MMACHC: variants seen among roughly 807,000 people sequenced by gnomAD.
MMACHC encodes the protein cyanocobalamin reductase / alkylcobalamin dealkylase.
In MMACHC, 14 loss-of-function variants were observed where a neutral mutation model predicts 17.6. That is an observed-to-expected ratio of 0.80 (90% CI 0.53 to 1.25). The LOEUF (loss-of-function observed/expected upper bound fraction) is 1.25. Ranked by LOEUF, MMACHC falls within the 50% of genes most tolerant of loss-of-function variation. The pLI is 0.00. For missense variants in MMACHC, 392 were observed against 364.5 expected (o/e 1.08, Z -0.62); for synonymous variants, 151 against 142.1 (o/e 1.06, Z -0.45).
rs200483477 is a variant in MMACHC at position 45,507,455 on chromosome 1, C to T, written c.181C>T (p.Arg61Trp). 1,555 of 1,614,134 alleles carry T rather than the reference C, an allele frequency of 9.6e-4. 2 individuals are homozygous for T. Among genetic ancestry groups the T allele is most frequent in the Non-Finnish European group, 1.2e-3 (1,373 of 1,180,008 alleles). The stretch of plus-strand genomic sequence containing the variant: ...ACTCAGCACGCCTGCCATGTTTGAC[C>T]GGGCCCTCAAGCCCTTCTTGCAGAG... ...LVLSTPAMFD[R>W]ALKPFLQSCH... The change falls in exon 2 of 4, where the codon CGG becomes TGG. Residue 61 changes from arginine (R) to tryptophan (W), a missense_variant. Arg to Trp is a moderately radical substitution (Grantham distance 101). Coordinates refer to ENST00000401061, the MANE Select transcript of MMACHC (RefSeq NM_015506.3).
intron 1 of MMACHC, among the ~76,000 whole-genome samples, chr1:45,505,925 C>T (rs1233625735): frequency 1.3e-5 from 2 of 151,780 alleles, no homozygotes; most frequent in Admixed American, 1.3e-4. Context: ...AACAAAACTG[C>T]CTGTTCTCTC....
At chr1:45,501,137 A>G (rs1201012170) in intron 1 of MMACHC, among the ~76,000 whole-genome samples, 1 of 152,184 alleles carries the variant, frequency 6.6e-6, no homozygotes, top group Admixed American at 6.5e-5. Context: ...ACAGGCAAAC[A>G]ATTGGCTGGT....
Position 45,508,194 on chromosome 1 carries a change from T to C in MMACHC, c.277-18T>C. Reference sequence around the variant, plus strand: ...CCCCTCATGCTGACAGTACCCTCTATTTTGTCCACTGTTCCAGAGCCTCCC... The same window carrying C: ...CCCCTCATGCTGACAGTACCCTCTACTTTGTCCACTGTTCCAGAGCCTCCC... On this transcript the variant is annotated intron_variant, in intron 2 of 3. Transcript: ENST00000401061. 6.2e-7 allele frequency: 1 copy of C among 1,613,924 alleles called. No individual in the cohort carries two copies. The highest frequency in any genetic ancestry group is 1.1e-5 in the South Asian group (1 of 91,076).
Position 45,508,837 on chromosome 1 carries a change from G to C in MMACHC, c.471G>C (p.Trp157Cys), listed in dbSNP as rs1002571805. Residue 157 changes from tryptophan to cysteine, a missense_variant, in exon 4 of 4, where the codon TGG becomes TGC. Transcript: ENST00000401061. Reference sequence around the variant, plus strand: ...GCATACACCCCCGATTTGGGGGCTGGTTTGCCATCCGAGGGGTAGTGCTGC... The same window carrying C: ...GCATACACCCCCGATTTGGGGGCTGCTTTGCCATCCGAGGGGTAGTGCTGC... ...GVCIHPRFGG[W>C]FAIRGVVLLP... is the part of the protein sequence containing the mutation. 1 of 1,614,178 alleles carries C rather than the reference G, an allele frequency of 6.2e-7. No individual in the cohort carries two copies. Among genetic ancestry groups the C allele is most frequent in the Non-Finnish European group, 8.5e-7 (1 of 1,180,020 alleles).
chr1:45,504,225 G>A lies in MMACHC; in HGVS notation c.82-3131G>A, dbSNP rs575990940. 5.3e-5 allele frequency among the ~76,000 whole-genome samples: 8 copies of A among 152,186 alleles called. No homozygotes were observed. The South Asian group carries it at 8.3e-4, about 16-fold the overall frequency. ...AGGTCAGGAGTTCAAGACCAGCCTC[G>A]CCAACATGATGAAACCCCATCTCAA... On this transcript the variant is annotated intron_variant, in intron 1 of 3. Coordinates refer to ENST00000401061, the MANE Select transcript of MMACHC (RefSeq NM_015506.3).
At position 45,509,359 on chromosome 1, in the gene MMACHC, T is replaced by C; in HGVS notation, c.*144T>C. On this transcript the variant is annotated 3_prime_UTR_variant, in exon 4 of 4. Transcript: ENST00000401061. The stretch of plus-strand genomic sequence containing the variant: ...ATGAAGATAACAAGGCTCAAGGAAG[T>C]TAGGTTTGGCCAAGATAAAGGCCAG... The C allele has an allele frequency of 9.9e-7, 1 of 1,013,654 alleles. No homozygotes were observed. The allele number at this position is 1,013,654 out of a possible 1,614,324, so 62.8% of individuals were successfully genotyped here. A position where few individuals can be genotyped will look rare whatever the true frequency, so the allele number is the denominator to read the frequency against.
chr1:45,508,643 T>TC (rs1643673746), intron 3 of MMACHC, among the ~76,000 whole-genome samples, 153 bp from the exon 4 acceptor site: 3 of 152,116 alleles, frequency 2.0e-5, no homozygotes, highest in African/African-American at 7.2e-5. Context: ...GTGCTCAGAA[T>TC]AGTTTATGAA....
In MMACHC at chr1:45,509,293, G is replaced by A; in HGVS notation, c.*78G>A. The A allele has an allele frequency of 1.3e-6, 2 of 1,497,822 alleles. No homozygotes were observed. Among genetic ancestry groups the A allele is most frequent in the East Asian group, 2.3e-5 (1 of 44,262 alleles). 92.8% of individuals were successfully genotyped at this position (1,497,822 alleles called of 1,614,324 possible). On this transcript the variant is annotated 3_prime_UTR_variant, in exon 4 of 4. Transcript: ENST00000401061. The stretch of plus-strand genomic sequence containing the variant: ...GCTTTGGCAAAGCAAAAGGTTTTGA[G>A]TACAAGATTACTATTTTTGATAATA...
chr1:45,506,029 T>C (rs969941252), intron 1 of MMACHC, among the ~76,000 whole-genome samples: 1 of 152,200 alleles, frequency 6.6e-6, no homozygotes, highest in African/African-American at 2.4e-5. Context: ...ATAGTAAAAT[T>C]TTAATCTATT....
At chr1:45,504,185 C>T (rs991433977) in intron 1 of MMACHC, among the ~76,000 whole-genome samples, 8 of 152,076 alleles carry the variant, frequency 5.3e-5, no homozygotes, top group East Asian at 3.9e-4. Context: ...GAGGCGGAGG[C>T]GGGTGGATCA....
chr1:45,511,629 T>C lies in MMACHC; in HGVS notation c.*2414T>C. 2.5e-6 allele frequency: 1 copy of C among 398,612 alleles called. No individual in the cohort carries two copies. 24.7% of individuals were successfully genotyped at this position (398,612 alleles called of 1,614,324 possible). On this transcript the variant is annotated 3_prime_UTR_variant, in exon 4 of 4. Coordinates refer to ENST00000401061, the MANE Select transcript of MMACHC (RefSeq NM_015506.3). ...TTAAGATACTATCATGCCTAATTTA[T>C]TCATGTAGCACTTGAAATTTAAATT... is the stretch of plus-strand genomic sequence containing the variant.
chr1:45,507,947 A>T (rs1430272212), intron 2 of MMACHC, among the ~76,000 whole-genome samples: 3 of 152,166 alleles, frequency 2.0e-5, no homozygotes, highest in African/African-American at 7.2e-5. Context: ...TCACATATAC[A>T]CATAACTATG....
chr1:45,509,415 A>C lies in MMACHC; in HGVS notation c.*200A>C. 8.1e-6 allele frequency: 2 copies of C among 245,524 alleles called. No homozygotes were observed. Among genetic ancestry groups the C allele is most frequent in the South Asian group, 5.4e-5 (1 of 18,514 alleles). The allele number at this position is 245,524 out of a possible 1,614,324, so 15.2% of individuals were successfully genotyped here. Reference sequence around the variant, plus strand: ...CAGAATTCCCATCTGCCTTCAAATGAGTTTTTTTTTTTTTTTTAGACAGAG... The same window carrying C: ...CAGAATTCCCATCTGCCTTCAAATGCGTTTTTTTTTTTTTTTTAGACAGAG... On this transcript the variant is annotated 3_prime_UTR_variant, in exon 4 of 4. Transcript: ENST00000401061.
At chr1:45,500,646 C>T (rs1453822610) in intron 1 of MMACHC, among the ~76,000 whole-genome samples, 1 of 152,082 alleles carries the variant, frequency 6.6e-6, no homozygotes, top group Non-Finnish European at 1.5e-5. Context: ...GGGCGGATCA[C>T]CTGAGGTGAG....
In MMACHC at chr1:45,513,309, G is replaced by T. The variant is rs1643791222; in HGVS notation, c.*4094G>T. The stretch of plus-strand genomic sequence containing the variant: ...TACATTCAGTAAGTTAGATCTTTGG[G>T]AGTGACTGATTCTAAATGAGCAGGA... On this transcript the variant is annotated 3_prime_UTR_variant, in exon 4 of 4. Coordinates refer to ENST00000401061, the MANE Select transcript of MMACHC (RefSeq NM_015506.3). 1 of 152,140 alleles carries T rather than the reference G, an allele frequency of 6.6e-6. No individual in the cohort carries two copies. Among genetic ancestry groups the T allele is most frequent in the Non-Finnish European group, 1.5e-5 (1 of 68,030 alleles). 9.4% of individuals were successfully genotyped at this position (152,140 alleles called of 1,614,324 possible).
rs1391989569 is a variant in MMACHC, at chr1:45,512,050, G to C, written c.*2835G>C. On this transcript the variant is annotated 3_prime_UTR_variant, in exon 4 of 4. Transcript: ENST00000401061. ...CTAGCCTGAAGAAAATGAGGCAAGG[G>C]GACTAATCTCTTATTTTTCTTTTTT... The C allele has an allele frequency of 6.6e-6, 1 of 151,608 alleles. No homozygotes were observed. The allele number at this position is 151,608 out of a possible 1,614,324, so 9.4% of individuals were successfully genotyped here. A position where few individuals can be genotyped will look rare whatever the true frequency, so the allele number is the denominator to read the frequency against.
At chr1:45,503,840 G>A (rs1422816947) in intron 1 of MMACHC, among the ~76,000 whole-genome samples, 4 of 152,252 alleles carry the variant, frequency 2.6e-5, no homozygotes, top group South Asian at 4.1e-4. Context: ...AAGTGATGCC[G>A]GTATATACAT....
chr1:45,507,621 G>A (rs1557607542), intron 2 of MMACHC, 71 bp downstream of exon 2: 1 of 1,546,568 alleles, frequency 6.5e-7, no homozygotes, highest in East Asian at 2.3e-5. Flanking sequence ...ACTCAATGCA[G>A]GATCTAGACC....
chr1:45,507,311 G>A (rs1570829347), intron 1 of MMACHC, 45 bp from the exon 2 acceptor site: 1 of 1,592,282 alleles, frequency 6.3e-7, no homozygotes, highest in Non-Finnish European at 8.6e-7. Context: ...CCAGGCTGAG[G>A]CCTAGACTGG....
Sources: gnomAD v4.1 joint callset for allele counts (sites outside exome capture counted in the v4.1 genomes callset) on GRCh38, gnomAD v4.1.1 for gene constraint, MANE v1.5 for transcripts, NCBI Gene and HGNC (gene_info 2026-07-23, HGNC 2026-07-21) for gene names.